Variants in SHH observed in about 807,000 individuals in gnomAD.
The protein encoded by SHH is sonic hedgehog protein.
Under a neutral mutation model 16.6 loss-of-function variants are expected in SHH, and 3 were observed. That is an observed-to-expected ratio of 0.18 (90% CI 0.08 to 0.47). SHH has a LOEUF of 0.47. Ranked by LOEUF, SHH falls within the 20% of genes least tolerant of loss-of-function variation. SHH has a pLI of 0.98. For missense variants in SHH, 499 were observed against 665.0 expected, an observed-to-expected ratio of 0.75 and a Z score of 2.75; for synonymous variants, 351 against 316.2, an observed-to-expected ratio of 1.11 and a Z score of -1.17.
chr7:155,806,933 C>G (rs1003811161), intron 1 of SHH: 1 of 317,904 alleles, frequency 3.1e-6, no homozygotes, highest in African/African-American at 2.1e-5. Context: ...GGGATACCCG[C>G]CCCGCCCCCA....
chr7:155,803,422 C>A lies in SHH; in HGVS notation c.867G>T (p.Ser289=). 1 of 1,530,166 alleles carries A rather than the reference C, an allele frequency of 6.5e-7. No individual in the cohort carries two copies. Among genetic ancestry groups the A allele is most frequent in the Non-Finnish European group, 8.7e-7 (1 of 1,143,958 alleles). 94.8% of individuals were successfully genotyped at this position (1,530,166 alleles called of 1,614,324 possible). The change falls in exon 3 of 3, where the codon TCG becomes TCT. Residue 289 remains serine, a synonymous_variant. Coordinates refer to ENST00000297261, the MANE Select transcript of SHH (RefSeq NM_000193.4). ...CGCCCCCGGAAGGCGGCCCCGAGCC[C>A]GAGGACGCCTCGGGCTCCCCGGTGG... is the stretch of plus-strand genomic sequence containing the variant. ...DSATGEPEAS[S]GSGPPSGGAL...
Position 155,802,776 on chromosome 7 carries a change from A to AGTATTC in SHH, c.*123_*124insGAATAC. On this transcript the variant is annotated 3_prime_UTR_variant, in exon 3 of 3. Transcript: ENST00000297261. ...AGTCTACTTTGGACTGTCCTACTTT[A>AGTATTC]TTATTCTTATTCTTATTATAACTCA... 3 of 545,686 alleles carry AGTATTC rather than the reference A, an allele frequency of 5.5e-6. No homozygotes were observed. Among genetic ancestry groups the AGTATTC allele is most frequent in the Non-Finnish European group, 8.5e-6 (3 of 351,176 alleles). The allele number at this position is 545,686 out of a possible 1,614,324, so 33.8% of individuals were successfully genotyped here.
At chr7:155,803,845 G>A in intron 2 of SHH, 119 bp from the exon 3 acceptor site, 2 of 833,214 alleles carry the variant, frequency 2.4e-6, no homozygotes, top group African/African-American at 1.7e-5. Flanking sequence ...GGGTGCGCAA[G>A]GCGCGGGGCG....
At chr7:155,811,261 G>A (rs1439253744) in intron 1 of SHH, among the ~76,000 whole-genome samples, 1 of 152,218 alleles carries the variant, frequency 6.6e-6, no homozygotes, top group African/African-American at 2.4e-5. Flanking sequence ...TGTCAGAACC[G>A]CCTCCTGGCT....
rs550129927 is a variant in SHH at position 155,807,782 on chromosome 7, C to T, written c.301-1225G>A. Among the ~76,000 whole-genome samples, 2 of 152,218 alleles carry T rather than the reference C, an allele frequency of 1.3e-5. No homozygotes were observed. The highest frequency in any genetic ancestry group is 2.1e-4 in the South Asian group (1 of 4,818). The stretch of plus-strand genomic sequence containing the variant: ...GATGGTGGCATCCCCCAAGAAGCTG[C>T]GCCAAGTGGAGGCCGAGGGGCAATT... On this transcript the variant is annotated intron_variant, in intron 1 of 2. Transcript: ENST00000297261. This position sits in a 1 kb window ranked among gnomAD's most constrained non-coding sequence, Gnocchi z 7.1.
intron 1 of SHH, chr7:155,806,784 G>T (rs1328574965): frequency 3.1e-6 from 2 of 648,510 alleles, no homozygotes; most frequent in Admixed American, 4.9e-5. Context: ...GTCCTCTCAG[G>T]GTAGAGCTGG....
Position 155,807,971 on chromosome 7 carries a change from G to T in SHH, c.301-1414C>A, listed in dbSNP as rs1459641894. 4.6e-5 allele frequency among the ~76,000 whole-genome samples: 7 copies of T among 152,138 alleles called. No homozygotes were observed. The highest frequency in any genetic ancestry group is 1.7e-4 in the African/African-American group (7 of 41,426). On this transcript the variant is annotated intron_variant, in intron 1 of 2. Transcript: ENST00000297261. The surrounding 1 kb of genome is among the most constrained non-coding windows in gnomAD (Gnocchi z 7.1). ...TCTTTCGAGAGGGTGGGGCGAGGAC[G>T]CTGGCCCCACTGCTGCGGCGCTTTA...
At position 155,809,377 on chromosome 7, in the gene SHH, G is replaced by A. The variant is rs1022770254; in HGVS notation, c.300+2446C>T. Among the ~76,000 whole-genome samples, 1 of 152,006 alleles carries A rather than the reference G, an allele frequency of 6.6e-6. No homozygotes were observed. The highest frequency in any genetic ancestry group is 1.5e-5 in the Non-Finnish European group (1 of 67,992). On this transcript the variant is annotated intron_variant, in intron 1 of 2. Transcript: ENST00000297261. The surrounding 1 kb of genome is among the most constrained non-coding windows in gnomAD (Gnocchi z 6.1). ...ATTTAAAATGAGGGCGGCCGAGCAG[G>A]CTCCCCAAACCTCCCGCCGGCCTGG...
Position 155,800,830 on chromosome 7 carries a change from C to A in SHH, c.*2070G>T, listed in dbSNP as rs1054443667. On this transcript the variant is annotated 3_prime_UTR_variant, in exon 3 of 3. Coordinates refer to ENST00000297261, the MANE Select transcript of SHH (RefSeq NM_000193.4). The stretch of plus-strand genomic sequence containing the variant: ...CAGACCCTCAGGGACTGGGCCCAAC[C>A]TCGGGAGCCAGCCCCTGCCAGGTGG... 1.4e-5 allele frequency: 5 copies of A among 348,510 alleles called. No homozygotes were observed. The highest frequency in any genetic ancestry group is 2.8e-5 in the Non-Finnish European group (5 of 175,582). 21.6% of individuals were successfully genotyped at this position (348,510 alleles called of 1,614,324 possible).
At position 155,809,539 on chromosome 7, in the gene SHH, C is replaced by G. The variant is rs1803455304; in HGVS notation, c.300+2284G>C. On this transcript the variant is annotated intron_variant, in intron 1 of 2. Transcript: ENST00000297261. The surrounding 1 kb of genome is among the most constrained non-coding windows in gnomAD (Gnocchi z 6.1). Reference sequence around the variant, plus strand: ...GGGGAGGGATCAACCGGGGATACCTCACAGACTGCCAGCCCCTACCCCCCT... The same window carrying G: ...GGGGAGGGATCAACCGGGGATACCTGACAGACTGCCAGCCCCTACCCCCCT... Among the ~76,000 whole-genome samples, 1 of 152,078 alleles carries G rather than the reference C, an allele frequency of 6.6e-6. No individual in the cohort carries two copies. Among genetic ancestry groups the G allele is most frequent in the South Asian group, 2.1e-4 (1 of 4,824 alleles).
rs1341769027 is a variant in SHH, at chr7:155,801,811, G to T, written c.*1089C>A. 2 of 152,186 alleles carry T rather than the reference G, an allele frequency of 1.3e-5. No individual in the cohort carries two copies. The highest frequency in any genetic ancestry group is 2.9e-5 in the Non-Finnish European group (2 of 68,038). The allele number at this position is 152,186 out of a possible 1,614,324, so 9.4% of individuals were successfully genotyped here. On this transcript the variant is annotated 3_prime_UTR_variant, in exon 3 of 3. Transcript: ENST00000297261. ...GCCAAAAACTAAAAGAAAAAGGGCT[G>T]CAACAGGAATTCTTAGTTATTAGAT...
In SHH at chr7:155,803,284, C is replaced by G. The variant is rs587778774; in HGVS notation, c.1005G>C (p.Val335=). Residue 335 remains valine (V), a synonymous_variant, in exon 3 of 3, where the codon GTG becomes GTC. Transcript: ENST00000297261. ...CGCCCGCGGCCTCCTCGCTTAGGGT[C>G]ACGCTGTGCACAGCGGCGGGCAGGA... is the stretch of plus-strand genomic sequence containing the variant. ...RRLLPAAVHS[V]TLSEEAAGAY... is the part of the protein sequence containing the mutation. The G allele has an allele frequency of 6.7e-7, 1 of 1,496,394 alleles. No homozygotes were observed. The allele number at this position is 1,496,394 out of a possible 1,614,324, so 92.7% of individuals were successfully genotyped here.
intron 1 of SHH, chr7:155,806,984 C>A: frequency 3.4e-6 from 1 of 292,046 alleles, no homozygotes; most frequent in Admixed American, 4.7e-5. Context: ...GGGCCCCTTT[C>A]TCCACCTGCG....
rs1403049985 is a variant in SHH at position 155,800,576 on chromosome 7, A to T, written c.*2324T>A. The T allele has an allele frequency of 4.2e-6, 2 of 470,782 alleles. No individual in the cohort carries two copies. Among genetic ancestry groups the T allele is most frequent in the Non-Finnish European group, 8.8e-6 (2 of 227,048 alleles). The allele number at this position is 470,782 out of a possible 1,614,324, so 29.2% of individuals were successfully genotyped here. A position where few individuals can be genotyped will look rare whatever the true frequency, so the allele number is the denominator to read the frequency against. ...GCCCGGTGCTTCTGGTTCGCTTTCG[A>T]CTGACTTGAAATCAGACTGAACTGT... On this transcript the variant is annotated 3_prime_UTR_variant, in exon 3 of 3. Coordinates refer to ENST00000297261, the MANE Select transcript of SHH (RefSeq NM_000193.4).
intron 2 of SHH, 135 bp downstream of exon 2, chr7:155,806,161 C>T (rs1309142709): frequency 8.9e-7 from 1 of 1,122,910 alleles, no homozygotes; most frequent in East Asian, 2.4e-5. Context: ...GGTTCCACCG[C>T]GGAAACGCAG....
At chr7:155,806,002 C>A (rs906197216) in intron 2 of SHH, among the ~76,000 whole-genome samples, 1 of 152,236 alleles carries the variant, frequency 6.6e-6, no homozygotes, top group African/African-American at 2.4e-5. Context: ...CCTAGCGCCC[C>A]TCCCCCAGTC....
Position 155,803,540 on chromosome 7 carries a change from T to A in SHH, c.749A>T (p.Lys250Met). Reference sequence around the variant, plus strand: ...CCGCGTCTCGATCACGTAGAAGACCTTCTTGGCGCCGTCGTCGCGGTCCAG... The same window carrying A: ...CCGCGTCTCGATCACGTAGAAGACCATCTTGGCGCCGTCGTCGCGGTCCAG... ...TFLDRDDGAKKVFYVIETREP... is the reference protein window; with the variant it reads ...TFLDRDDGAKMVFYVIETREP... Residue 250 changes from lysine (K) to methionine (M), a missense_variant, in exon 3 of 3, where the codon AAG becomes ATG. Lys to Met is a moderately conservative substitution (Grantham distance 95). This residue lies in a region of SHH where 114 missense variants were observed against 200.4 expected (regional missense o/e 0.57). Transcript: ENST00000297261. 3.1e-6 allele frequency: 5 copies of A among 1,594,940 alleles called. No individual in the cohort carries two copies. Among genetic ancestry groups the A allele is most frequent in the Non-Finnish European group, 3.4e-6 (4 of 1,176,992 alleles).
At position 155,800,863 on chromosome 7, in the gene SHH, G is replaced by A. The variant is rs1042059132; in HGVS notation, c.*2037C>T. The A allele has an allele frequency of 5.8e-6, 2 of 346,950 alleles. No homozygotes were observed. The highest frequency in any genetic ancestry group is 4.3e-5 in the African/African-American group (2 of 46,560). 21.5% of individuals were successfully genotyped at this position (346,950 alleles called of 1,614,324 possible). A position where few individuals can be genotyped will look rare whatever the true frequency, so the allele number is the denominator to read the frequency against. ...CCAGCCCCTGCCAGGTGGGGCTGAA[G>A]TCTGTTCACTCCTGTTCCCTAAGCC... On this transcript the variant is annotated 3_prime_UTR_variant, in exon 3 of 3. Coordinates refer to ENST00000297261, the MANE Select transcript of SHH (RefSeq NM_000193.4).
At chr7:155,810,030 G>C (rs1803470195) in intron 1 of SHH, among the ~76,000 whole-genome samples, 1 of 151,942 alleles carries the variant, frequency 6.6e-6, no homozygotes, top group Non-Finnish European at 1.5e-5. Flanking sequence ...GCTGCTGTTA[G>C]CTCCTGCGGT....
Sources: allele counts gnomAD v4.1 joint callset (sites outside exome capture counted in the v4.1 genomes callset), GRCh38; gene constraint gnomAD v4.1.1; regional missense constraint gnomAD v4.1.1; non-coding constraint Gnocchi (gnomAD v3.1); transcripts MANE v1.5; gene names NCBI Gene and HGNC (gene_info 2026-07-23, HGNC 2026-07-21).